The following CYP7B1 variants were observed in gnomAD, a reference collection of about 807,000 sequenced individuals.
CYP7B1 encodes cytochrome P450 7B1.
In CYP7B1, 29 loss-of-function variants were observed where a neutral mutation model predicts 42.7. The ratio of observed to expected loss-of-function variants is 0.68; its 90% CI spans 0.51 to 0.93. CYP7B1 has a LOEUF of 0.93. Ranked by LOEUF, CYP7B1 falls within the 40% of genes least tolerant of loss-of-function variation. CYP7B1 has a pLI of 0.00. For synonymous variants in CYP7B1, 235 were observed against 218.2 expected, an observed-to-expected ratio of 1.08 and a Z score of -0.68; for missense variants, 655 against 600.5, an observed-to-expected ratio of 1.09 and a Z score of -0.95.
intron 1 of CYP7B1, among the ~76,000 whole-genome samples, chr8:64,763,618 G>A (rs983647522): frequency 6.6e-6 from 1 of 152,240 alleles, no homozygotes; most frequent in Non-Finnish European, 1.5e-5. Context: ...TTAAGACTTA[G>A]GTGTGAGGCT....
chr8:64,774,498 C>T (rs1435168793), intron 1 of CYP7B1, among the ~76,000 whole-genome samples: 7 of 152,140 alleles, frequency 4.6e-5, no homozygotes. Flanking sequence ...AACTCTCCTC[C>T]TTGTGCAAGT....
Position 64,624,122 on chromosome 8 carries a change from T to TA in CYP7B1, c.259+280_259+281insT, listed in dbSNP as rs1563367375. On this transcript the variant is annotated intron_variant, in intron 2 of 5. Coordinates refer to ENST00000310193, the MANE Select transcript of CYP7B1 (RefSeq NM_004820.5). ...CTTTTGTATAGTTATATATATATAT[T>TA]TTTTTTTCTACCATTCTTAAAACCA... Among the ~76,000 whole-genome samples the TA allele has an allele frequency of 2.6e-4, 40 of 151,400 alleles. No homozygotes were observed. The South Asian group carries it at 2.7e-3, about 10-fold the overall frequency.
At chr8:64,692,259 G>C (rs1040586725) in intron 1 of CYP7B1, among the ~76,000 whole-genome samples, 14 of 152,236 alleles carry the variant, frequency 9.2e-5, no homozygotes, top group Admixed American at 1.3e-4. Context: ...TCTCTGAAAG[G>C]GTTCACTCCT....
intron 1 of CYP7B1, among the ~76,000 whole-genome samples, chr8:64,681,340 G>C (rs973089369): frequency 1.3e-5 from 2 of 152,102 alleles, no homozygotes; most frequent in Non-Finnish European, 2.9e-5. Flanking sequence ...GTAGTGGTGG[G>C]GGGAGGAAGT....
intron 1 of CYP7B1, among the ~76,000 whole-genome samples, chr8:64,686,956 T>C (rs1378490973): frequency 8.0e-6 from 1 of 125,786 alleles, no homozygotes; most frequent in African/African-American, 3.1e-5. Flanking sequence ...TCATCACCAA[T>C]CCCTAATCTC....
In CYP7B1 at chr8:64,596,809, GGCCTGGACATTT is replaced by G. The variant is rs1805124855; in HGVS notation, c.1342_1353del (p.Lys448_Gly451del). 6.2e-7 allele frequency: 1 copy of G among 1,613,808 alleles called. No individual in the cohort carries two copies. Among genetic ancestry groups the G allele is most frequent in the Non-Finnish European group, 8.5e-7 (1 of 1,179,972 alleles). ...TTTATTTCCATAAGTGCAAAAAATC[GGCCTGGACATTT>G]GCTGGTTCCAGTTCCAAACGGCATT... On this transcript the variant is annotated inframe_deletion, in exon 6 of 6. Transcript: ENST00000310193.
chr8:64,787,619 C>T (rs1804548575), intron 1 of CYP7B1, among the ~76,000 whole-genome samples: 1 of 152,214 alleles, frequency 6.6e-6, no homozygotes, highest in Admixed American at 6.5e-5. Context: ...AACTTTCCCA[C>T]ATTTTCCTGT....
chr8:64,596,376 A>G lies in CYP7B1; in HGVS notation c.*266T>C, dbSNP rs1288178740. 2.9e-6 allele frequency: 1 copy of G among 348,558 alleles called. No individual in the cohort carries two copies. Among genetic ancestry groups the G allele is most frequent in the Non-Finnish European group, 5.3e-6 (1 of 186,948 alleles). 21.6% of individuals were successfully genotyped at this position (348,558 alleles called of 1,614,324 possible). ...TTTATTATAACAGGTGAAAATCACAACAAGGAGAAACTAAAAAAACAACAA... is the reference window on the plus strand; with the variant it reads ...TTTATTATAACAGGTGAAAATCACAGCAAGGAGAAACTAAAAAAACAACAA... On this transcript the variant is annotated 3_prime_UTR_variant, in exon 6 of 6. Transcript: ENST00000310193.
chr8:64,717,563 A>AT (rs1000240654), intron 1 of CYP7B1, among the ~76,000 whole-genome samples: 3 of 152,036 alleles, frequency 2.0e-5, no homozygotes, highest in African/African-American at 4.8e-5. Context: ...TCTAAGAGTT[A>AT]TTTTTTTGGC....
At chr8:64,627,619 G>C (rs1186789700) in intron 1 of CYP7B1, among the ~76,000 whole-genome samples, 2 of 152,200 alleles carry the variant, frequency 1.3e-5, no homozygotes, top group Non-Finnish European at 2.9e-5. Context: ...TCCGCCAGGG[G>C]AAAGGATAGG....
chr8:64,589,442 C>T (rs1805007455), downstream of CYP7B1, among the ~76,000 whole-genome samples: 1 of 152,170 alleles, frequency 6.6e-6, no homozygotes, highest in Admixed American at 6.5e-5. Flanking sequence ...ATAGTTTTTA[C>T]TTATAAAACA....
At chr8:64,610,241 G>C (rs927953011) in intron 4 of CYP7B1, among the ~76,000 whole-genome samples, 1 of 152,000 alleles carries the variant, frequency 6.6e-6, no homozygotes. Flanking sequence ...GATGAACATC[G>C]AAATCAGTAT....
intron 1 of CYP7B1, among the ~76,000 whole-genome samples, chr8:64,625,806 G>T (rs1442787760): frequency 6.6e-6 from 1 of 150,926 alleles, no homozygotes; most frequent in Non-Finnish European, 1.5e-5. Flanking sequence ...TCATGTATAG[G>T]CATTTAGGTC....
At chr8:64,796,776 G>T (rs1804708839) in intron 1 of CYP7B1, among the ~76,000 whole-genome samples, 1 of 151,932 alleles carries the variant, frequency 6.6e-6, no homozygotes, top group African/African-American at 2.4e-5. Flanking sequence ...TGCAACACAG[G>T]GTATATTTCC....
intron 1 of CYP7B1, among the ~76,000 whole-genome samples, chr8:64,778,185 ATATATATATATATATG>A (rs1165954791): frequency 6.8e-6 from 1 of 146,508 alleles, no homozygotes; most frequent in Non-Finnish European, 1.5e-5. Context: ...ATATATATAT[ATATATATATATATATG>A]TATACACACA....
intron 1 of CYP7B1, among the ~76,000 whole-genome samples, chr8:64,645,896 T>C (rs1353610619): frequency 6.6e-6 from 1 of 152,062 alleles, no homozygotes; most frequent in African/African-American, 2.4e-5. Context: ...TAACGCTGCA[T>C]ATCTACAACT....
chr8:64,794,682 A>G (rs1181341698), intron 1 of CYP7B1, among the ~76,000 whole-genome samples: 1 of 152,162 alleles, frequency 6.6e-6, no homozygotes, highest in Non-Finnish European at 1.5e-5. Flanking sequence ...GCTTAATACC[A>G]TCACCTTGGG....
intron 1 of CYP7B1, among the ~76,000 whole-genome samples, chr8:64,674,890 A>C (rs1262271917): frequency 6.6e-6 from 1 of 152,078 alleles, no homozygotes; most frequent in African/African-American, 2.4e-5. Flanking sequence ...TTTATCACAA[A>C]TTTTCTTGAC....
chr8:64,798,635 C>T lies in CYP7B1; in HGVS notation c.-48G>A. On this transcript the variant is annotated 5_prime_UTR_variant, in exon 1 of 6. Coordinates refer to ENST00000310193, the MANE Select transcript of CYP7B1 (RefSeq NM_004820.5). The stretch of plus-strand genomic sequence containing the variant: ...GGGCAGCCCGGGGTCTGCCTGCGAA[C>T]AGCGCGGTCGGCGACTCTGCAGCCT... The T allele has an allele frequency of 6.9e-7, 1 of 1,442,094 alleles. No homozygotes were observed. Among genetic ancestry groups the T allele is most frequent in the Non-Finnish European group, 9.0e-7 (1 of 1,106,598 alleles). 89.3% of individuals were successfully genotyped at this position (1,442,094 alleles called of 1,614,324 possible).
Sources: gnomAD v4.1 joint callset for allele counts (sites outside exome capture counted in the v4.1 genomes callset) on GRCh38, gnomAD v4.1.1 for gene constraint, MANE v1.5 for transcripts, NCBI Gene and HGNC (gene_info 2026-07-23, HGNC 2026-07-21) for gene names.